The following OR5P3 variants were observed in gnomAD, a reference collection of about 807,000 sequenced individuals.
OR5P3 encodes olfactory receptor 5P3.
For synonymous variants in OR5P3, 172 were observed against 141.8 expected (o/e 1.21, Z -1.51); for missense variants, 415 against 375.6 (o/e 1.10, Z -0.87).
chr11:7,829,553 C>G (rs1043201592), intron 1 of OR5P3, among the ~76,000 whole-genome samples: 1 of 152,114 alleles, frequency 6.6e-6, no homozygotes, highest in African/African-American at 2.4e-5. Context: ...ACAGGTCTAC[C>G]TGAGCTAATG....
chr11:7,829,329 G>A (rs950857773), intron 1 of OR5P3, among the ~76,000 whole-genome samples: 1 of 151,772 alleles, frequency 6.6e-6, no homozygotes, highest in African/African-American at 2.4e-5. Context: ...AGTGAATGAA[G>A]GAACATAAGC....
At position 7,825,623 on chromosome 11, in the gene OR5P3, G is replaced by A. The variant is rs776412635; in HGVS notation, c.350C>T (p.Ala117Val). ...FGTAECFLLAAMAYDRYVAIC... is the reference protein window; with the variant it reads ...FGTAECFLLAVMAYDRYVAIC... ...GGCCACATAGCGATCATAGGCCATG[G>A]CAGCCAGCAGGAAGCACTCGGCCGT... is the stretch of plus-strand genomic sequence containing the variant. Residue 117 changes from alanine (A) to valine (V), a missense_variant, in exon 2 of 2, where the codon GCC becomes GTC. Physicochemically the swap from Ala to Val is moderately conservative, Grantham distance 64. Coordinates refer to ENST00000641167, the MANE Select transcript of OR5P3 (RefSeq NM_153445.2). 1 of 1,613,116 alleles carries A rather than the reference G, an allele frequency of 6.2e-7. No homozygotes were observed. The highest frequency in any genetic ancestry group is 1.1e-5 in the South Asian group (1 of 91,086).
chr11:7,826,034 C>T (rs1857737877), intron 1 of OR5P3, 41 bp from the exon 2 acceptor site: 5 of 916,958 alleles, frequency 5.5e-6, no homozygotes, highest in Admixed American at 2.5e-5. Flanking sequence ...GGATTAAATG[C>T]TATAATTGCA....
intron 1 of OR5P3, among the ~76,000 whole-genome samples, chr11:7,829,362 G>C (rs1437479561): frequency 6.6e-6 from 1 of 150,996 alleles, no homozygotes; most frequent in African/African-American, 2.4e-5. Flanking sequence ...GCAAGAAATG[G>C]CTCCTGAAGG....
Position 7,825,987 on chromosome 11 carries a change from G to C in OR5P3, c.-15C>G. 1 of 1,335,068 alleles carries C rather than the reference G, an allele frequency of 7.5e-7. No individual in the cohort carries two copies. Among genetic ancestry groups the C allele is most frequent in the Non-Finnish European group, 1.0e-6 (1 of 962,234 alleles). 82.7% of individuals were successfully genotyped at this position (1,335,068 alleles called of 1,614,324 possible). ...CCAGTCCCCATCTATATTGGGAATG[G>C]TGCCAACTGAAAGAAAAACAAATGA... On this transcript the variant is annotated 5_prime_UTR_variant, in exon 2 of 2. Coordinates refer to ENST00000641167, the MANE Select transcript of OR5P3 (RefSeq NM_153445.2).
Position 7,825,221 on chromosome 11 carries a change from A to G in OR5P3, c.752T>C (p.Phe251Ser). 1.2e-6 allele frequency: 2 copies of G among 1,612,848 alleles called. No individual in the cohort carries two copies. The highest frequency in any genetic ancestry group is 1.7e-6 in the Non-Finnish European group (2 of 1,180,020). The change falls in exon 2 of 2, where the codon TTC becomes TCC. Residue 251 changes from phenylalanine to serine, a missense_variant. By Grantham distance (155) the Phe-to-Ser change is radical. Coordinates refer to ENST00000641167, the MANE Select transcript of OR5P3 (RefSeq NM_153445.2). ...CTSHLTAVTL[F>S]YGTITFIYVM... is the part of the protein sequence containing the mutation. The stretch of plus-strand genomic sequence containing the variant: ...ATAAATGAAGGTAATGGTCCCATAG[A>G]ACAGAGTGACTGCAGTGAGGTGGGA...
chr11:7,826,757 G>T (rs974097212), intron 1 of OR5P3, among the ~76,000 whole-genome samples: 2 of 152,170 alleles, frequency 1.3e-5, no homozygotes, highest in African/African-American at 4.8e-5. Flanking sequence ...GTTACTCCTG[G>T]AAGGCTCCAA....
intron 1 of OR5P3, among the ~76,000 whole-genome samples, chr11:7,828,015 G>C (rs1332917180): frequency 6.6e-6 from 1 of 152,158 alleles, no homozygotes; most frequent in East Asian, 1.9e-4. Context: ...AGATTGGTTA[G>C]TATAGTCTGA....
chr11:7,827,807 A>T (rs1019102186), intron 1 of OR5P3, among the ~76,000 whole-genome samples: 1 of 152,068 alleles, frequency 6.6e-6, no homozygotes. Context: ...AGGAAAACAA[A>T]TTTTTTTTGA....
At position 7,825,224 on chromosome 11, in the gene OR5P3, A is replaced by G; in HGVS notation, c.749T>C (p.Leu250Pro). 1 of 1,612,964 alleles carries G rather than the reference A, an allele frequency of 6.2e-7. No individual in the cohort carries two copies. Among genetic ancestry groups the G allele is most frequent in the Non-Finnish European group, 8.5e-7 (1 of 1,180,028 alleles). ...TCTSHLTAVT[L>P]FYGTITFIYV... ...AATGAAGGTAATGGTCCCATAGAAC[A>G]GAGTGACTGCAGTGAGGTGGGAGGT... The change falls in exon 2 of 2, where the codon CTG becomes CCG. Residue 250 changes from leucine (L) to proline (P), a missense_variant. By Grantham distance (98) the Leu-to-Pro change is moderately conservative. Transcript: ENST00000641167.
intron 1 of OR5P3, among the ~76,000 whole-genome samples, 178 bp from the exon 2 acceptor site, chr11:7,826,171 T>C (rs1857739444): frequency 6.6e-6 from 1 of 151,512 alleles, no homozygotes; most frequent in African/African-American, 2.4e-5. Context: ...TGTTCACTGA[T>C]GTAAGGTCAG....
chr11:7,829,333 C>T (rs1857782076), intron 1 of OR5P3, among the ~76,000 whole-genome samples: 1 of 151,542 alleles, frequency 6.6e-6, no homozygotes, highest in Non-Finnish European at 1.5e-5. Context: ...AATGAAGGAA[C>T]ATAAGCAATT....
chr11:7,827,110 A>T (rs1426972522), intron 1 of OR5P3, among the ~76,000 whole-genome samples: 1 of 152,226 alleles, frequency 6.6e-6, no homozygotes, highest in Non-Finnish European at 1.5e-5. Context: ...GGCTTTCTGG[A>T]AACTGAGCTA....
intron 1 of OR5P3, among the ~76,000 whole-genome samples, chr11:7,828,600 C>T (rs1027908056): frequency 2.6e-5 from 4 of 151,916 alleles, no homozygotes; most frequent in African/African-American, 9.7e-5. Flanking sequence ...TGAGGCAATC[C>T]CAGTATCTCA....
In OR5P3 at chr11:7,827,701, A is replaced by T. The variant is rs370707139; in HGVS notation, c.-21-1708T>A. Among the ~76,000 whole-genome samples the T allele has an allele frequency of 7.2e-5, 11 of 152,308 alleles. No homozygotes were observed. The East Asian group carries it at 1.2e-3, about 16-fold the overall frequency. ...AAAAACAAGAAATGATGGTAGTTAC[A>T]GTTTGGGGTGCTTAAAAATGAGATT... On this transcript the variant is annotated intron_variant, in intron 1 of 1. Transcript: ENST00000641167.
intron 1 of OR5P3, among the ~76,000 whole-genome samples, chr11:7,828,609 C>A (rs2133495740): frequency 6.6e-6 from 1 of 152,232 alleles, no homozygotes; most frequent in South Asian, 2.1e-4. Flanking sequence ...CCCAGTATCT[C>A]ACCCAAGGAA....
At position 7,825,214 on chromosome 11, in the gene OR5P3, C is replaced by A. The variant is rs1857718583; in HGVS notation, c.759G>T (p.Gly253=). 6.2e-6 allele frequency: 10 copies of A among 1,612,644 alleles called. No homozygotes were observed. The highest frequency in any genetic ancestry group is 8.5e-6 in the Non-Finnish European group (10 of 1,179,996). The part of the protein sequence containing the change: ...SHLTAVTLFY[G]TITFIYVMPK... ...GCATCACATAAATGAAGGTAATGGT[C>A]CCATAGAACAGAGTGACTGCAGTGA... The change falls in exon 2 of 2, where the codon GGG becomes GGT. Residue 253 remains glycine, a synonymous_variant. Coordinates refer to ENST00000641167, the MANE Select transcript of OR5P3 (RefSeq NM_153445.2).
chr11:7,827,871 G>A (rs879835962), intron 1 of OR5P3, among the ~76,000 whole-genome samples: 10 of 152,154 alleles, frequency 6.6e-5, no homozygotes, highest in Non-Finnish European at 8.8e-5. Flanking sequence ...TCTATGTGGA[G>A]GTATTAAAGC....
rs773299212 is a variant in OR5P3, at chr11:7,825,128, A to G, written c.845T>C (p.Ile282Thr). The G allele has an allele frequency of 9.3e-6, 15 of 1,605,936 alleles. No homozygotes were observed. The highest frequency in any genetic ancestry group is 4.5e-5 in the East Asian group (2 of 44,890). ...GTAGATCAGGGGGTTCAACATGGGA[A>G]TCACCACGGTGTAGAACACAGACAC... is the stretch of plus-strand genomic sequence containing the variant. ...KVVSVFYTVV[I>T]PMLNPLIYSL... Residue 282 changes from isoleucine to threonine, a missense_variant, in exon 2 of 2, where the codon ATT becomes ACT. Transcript: ENST00000641167.
Sources: gnomAD v4.1 joint callset for allele counts (sites outside exome capture counted in the v4.1 genomes callset) on GRCh38, gnomAD v4.1.1 for gene constraint, MANE v1.5 for transcripts, NCBI Gene and HGNC (gene_info 2026-07-23, HGNC 2026-07-21) for gene names.